SRGAP3: variants seen among roughly 807,000 people sequenced by gnomAD.
SRGAP3 encodes SLIT-ROBO Rho GTPase activating protein 3, also known as SLIT-ROBO Rho GTPase-activating protein 3.
Under a neutral mutation model 121.1 loss-of-function variants are expected in SRGAP3, and 39 were observed. The ratio of observed to expected loss-of-function variants is 0.32; its 90% confidence interval spans 0.25 to 0.42. The LOEUF (loss-of-function observed/expected upper bound fraction) is 0.42, where lower values mean the gene tolerates loss of function less well. SRGAP3 is among the 10% of genes least tolerant of loss of function. SRGAP3 has a pLI of 1.00. For missense variants in SRGAP3, 1,213 were observed against 1,470.6 expected (o/e 0.82, Z 2.86); for synonymous variants, 601 against 570.0 (o/e 1.05, Z -0.77).
chr3:9,010,720 A>G (rs553057026), intron 17 of SRGAP3, among the ~76,000 whole-genome samples: 21 of 152,288 alleles, frequency 1.4e-4, no homozygotes, highest in Admixed American at 4.6e-4. Flanking sequence ...TTATAATCAG[A>G]AGGACCACAG....
rs567243219 is a variant in SRGAP3, at chr3:8,993,977, G to A, written c.2408+366C>T. 10 of 307,148 alleles carry A rather than the reference G, an allele frequency of 3.3e-5. No individual in the cohort carries two copies. The East Asian group carries it at 7.1e-4, about 22-fold the overall frequency. The allele number at this position is 307,148 out of a possible 1,614,324, so 19.0% of individuals were successfully genotyped here. ...ATGTTTCTGCCCATCCCCTAAGAGA[G>A]CTACCTCTGGAGTGTAGAACCGTAG... On this transcript the variant is annotated intron_variant, in intron 19 of 21. Coordinates refer to ENST00000383836, the MANE Select transcript of SRGAP3 (RefSeq NM_014850.4).
intron 3 of SRGAP3, among the ~76,000 whole-genome samples, chr3:9,288,130 G>GTTTTTTTTTTTTTTTTTTT (rs57076828): frequency 5.9e-5 from 7 of 119,100 alleles, no homozygotes; most frequent in Non-Finnish European, 8.4e-5. Context: ...TTCTATCTTT[G>GTTTTTTTTTTTTTTTTTTT]TTTTTTTTTT....
At chr3:9,053,388 T>C (rs1333376371) in intron 8 of SRGAP3, among the ~76,000 whole-genome samples, 164 bp from the exon 9 acceptor site, 1 of 152,218 alleles carries the variant, frequency 6.6e-6, no homozygotes, top group Non-Finnish European at 1.5e-5. Flanking sequence ...AAAACACAAA[T>C]TAGTCACCAA....
intron 3 of SRGAP3, among the ~76,000 whole-genome samples, chr3:9,324,793 T>C (rs1955491079): frequency 6.6e-6 from 1 of 151,638 alleles, no homozygotes; most frequent in African/African-American, 2.4e-5. Flanking sequence ...CCGTGTCTAC[T>C]AAAAATACAA....
intron 1 of SRGAP3, among the ~76,000 whole-genome samples, chr3:9,361,317 C>A (rs534435394): frequency 7.2e-4 from 109 of 152,194 alleles, no homozygotes; most frequent in African/African-American, 2.5e-3. Flanking sequence ...GTTGCCAGAG[C>A]TAGTCTCAAA....
intron 1 of SRGAP3, chr3:9,350,138 T>C (rs1259063210): frequency 6.6e-6 from 1 of 152,250 alleles, no homozygotes; most frequent in Admixed American, 6.5e-5. Flanking sequence ...GTTATATTTA[T>C]TGAGTGCCAT....
At chr3:9,357,266 T>A (rs548378274) in intron 1 of SRGAP3, among the ~76,000 whole-genome samples, 9 of 152,308 alleles carry the variant, frequency 5.9e-5, no homozygotes, top group Admixed American at 1.3e-4. Context: ...ACATTTTTTT[T>A]AATTGATAAT....
At chr3:9,177,820 C>G (rs1951233444) in intron 1 of SRGAP3, among the ~76,000 whole-genome samples, 1 of 152,158 alleles carries the variant, frequency 6.6e-6, no homozygotes, top group South Asian at 2.1e-4. Flanking sequence ...CCATGTGACC[C>G]TGGTCTGGCC....
At chr3:9,326,629 A>G (rs534993184) in intron 2 of SRGAP3, among the ~76,000 whole-genome samples, 1 of 151,882 alleles carries the variant, frequency 6.6e-6, no homozygotes, top group South Asian at 2.1e-4. Flanking sequence ...TTGCTTCTCC[A>G]ATTTAGGTGC....
intron 3 of SRGAP3, among the ~76,000 whole-genome samples, chr3:9,088,391 G>A (rs576606161): frequency 3.7e-4 from 57 of 152,274 alleles, no homozygotes; most frequent in African/African-American, 1.3e-3. Context: ...AATCTCAAGA[G>A]CCAGCCATCA....
intron 3 of SRGAP3, among the ~76,000 whole-genome samples, chr3:9,091,377 T>TCAACAA (rs559137871): frequency 4.0e-5 from 6 of 151,854 alleles, no homozygotes; most frequent in South Asian, 2.1e-4. Flanking sequence ...CAAATACAAC[T>TCAACAA]CAACAACAAC....
At chr3:9,356,183 CTTTTTTTTCT>C (rs1159047895) in intron 1 of SRGAP3, among the ~76,000 whole-genome samples, 2 of 136,736 alleles carry the variant, frequency 1.5e-5, no homozygotes, top group African/African-American at 2.9e-5. Flanking sequence ...GTTTATGGGA[CTTTTTTTTCT>C]TTTTTTTTTT....
At chr3:9,182,828 A>T (rs527322497) in intron 1 of SRGAP3, among the ~76,000 whole-genome samples, 14 of 151,754 alleles carry the variant, frequency 9.2e-5, no homozygotes, top group South Asian at 6.3e-4. Flanking sequence ...TAATTTTTTT[A>T]AAAAATTTTA....
chr3:9,080,308 T>C (rs1392075271), intron 3 of SRGAP3, among the ~76,000 whole-genome samples: 1 of 152,134 alleles, frequency 6.6e-6, no homozygotes, highest in East Asian at 1.9e-4. Context: ...TCCCTGATCA[T>C]ATGAGTTGGA....
chr3:9,359,714 T>C (rs577173318), intron 1 of SRGAP3, among the ~76,000 whole-genome samples: 1 of 152,302 alleles, frequency 6.6e-6, no homozygotes, highest in East Asian at 1.9e-4. Flanking sequence ...AGAGATTCTG[T>C]TTACTGCAAA....
At chr3:9,052,960 T>A (rs1482190098) in intron 9 of SRGAP3, 67 bp downstream of exon 9, 46 of 1,581,680 alleles carry the variant, frequency 2.9e-5, no homozygotes, top group Non-Finnish European at 4.0e-5. Flanking sequence ...TAGCTTGGGT[T>A]GCTCCTGAAA....
chr3:9,280,231 G>A (rs543728885), intron 3 of SRGAP3, among the ~76,000 whole-genome samples: 11 of 152,340 alleles, frequency 7.2e-5, no homozygotes, highest in Non-Finnish European at 1.6e-4. Flanking sequence ...ACTGTGGGCC[G>A]ATTCAGAGCC....
At chr3:9,220,767 T>C (rs1952787664) in intron 1 of SRGAP3, among the ~76,000 whole-genome samples, 1 of 152,202 alleles carries the variant, frequency 6.6e-6, no homozygotes, top group Non-Finnish European at 1.5e-5. Flanking sequence ...AAAGCCACAT[T>C]GATCACTGGC....
intron 1 of SRGAP3, among the ~76,000 whole-genome samples, chr3:9,139,193 A>G (rs1949766232): frequency 6.6e-6 from 1 of 152,182 alleles, no homozygotes; most frequent in Non-Finnish European, 1.5e-5. Context: ...GTTCCTCACA[A>G]ATCTTTTTAA....
Sources: allele counts gnomAD v4.1 joint callset (sites outside exome capture counted in the v4.1 genomes callset), GRCh38; gene constraint gnomAD v4.1.1; transcripts MANE v1.5; gene names NCBI Gene and HGNC (gene_info 2026-07-23, HGNC 2026-07-21).